ATRNL1: variants seen among roughly 807,000 people sequenced by gnomAD.
ATRNL1 encodes attractin-like protein 1.
In ATRNL1, 95 loss-of-function variants were observed where a neutral mutation model predicts 182.7. The observed-to-expected ratio is 0.52, with a 90% CI of 0.44 to 0.62. ATRNL1 has a LOEUF of 0.62. Among genes scored for constraint, ATRNL1 ranks in the 20% least tolerant of loss-of-function variants. The pLI is 0.00. For synonymous variants in ATRNL1, 576 were observed against 568.3 expected (o/e 1.01, Z -0.19); for missense variants, 1,471 against 1,679.5 (o/e 0.88, Z 2.17).
chr10:115,813,223 TAAAGTA>T (rs1348051440), intron 27 of ATRNL1, among the ~76,000 whole-genome samples: 1 of 152,058 alleles, frequency 6.6e-6, no homozygotes, highest in African/African-American at 2.4e-5. Flanking sequence ...ACCTAAAACT[TAAAGTA>T]TAATAATAAT....
intron 26 of ATRNL1, among the ~76,000 whole-genome samples, chr10:115,620,664 A>G (rs1210320677): frequency 6.6e-6 from 1 of 152,332 alleles, no homozygotes; most frequent in African/African-American, 2.4e-5. Context: ...AAATATTTTA[A>G]CAGTCTTAAG....
chr10:115,328,847 T>C (rs1564920088), intron 18 of ATRNL1, among the ~76,000 whole-genome samples: 1 of 152,142 alleles, frequency 6.6e-6, no homozygotes, highest in Non-Finnish European at 1.5e-5. Context: ...TCACACTTTC[T>C]TTATCCATTC....
chr10:115,521,992 A>G (rs1051606133), intron 25 of ATRNL1, among the ~76,000 whole-genome samples: 1 of 152,162 alleles, frequency 6.6e-6, no homozygotes, highest in Non-Finnish European at 1.5e-5. Flanking sequence ...TCAGCTTTGC[A>G]GTTTAGCCAT....
chr10:115,500,368 A>G (rs1554979790), intron 24 of ATRNL1, among the ~76,000 whole-genome samples: 1 of 152,186 alleles, frequency 6.6e-6, no homozygotes, highest in Non-Finnish European at 1.5e-5. Flanking sequence ...TTTGGTCCAA[A>G]CCTTAGAAAA....
At chr10:115,248,499 T>C (rs78856445) in intron 10 of ATRNL1, among the ~76,000 whole-genome samples, 1 of 152,186 alleles carries the variant, frequency 6.6e-6, no homozygotes, top group Non-Finnish European at 1.5e-5. Flanking sequence ...TGTGATTCGT[T>C]ATCTGGGAAT....
intron 28 of ATRNL1, among the ~76,000 whole-genome samples, chr10:115,933,520 G>A (rs1474996259): frequency 6.6e-6 from 1 of 152,194 alleles, no homozygotes; most frequent in Non-Finnish European, 1.5e-5. Flanking sequence ...GGGGAAGCCA[G>A]CAGGGATGTC....
intron 27 of ATRNL1, among the ~76,000 whole-genome samples, chr10:115,810,045 T>C (rs1158257680): frequency 2.0e-5 from 3 of 151,866 alleles, no homozygotes; most frequent in African/African-American, 7.2e-5. Flanking sequence ...TTTGAGAAAA[T>C]CTTGTGGATT....
rs144600714 is a variant in ATRNL1, at chr10:115,597,370, GTCTA to G, written c.3795+47840_3795+47843del. ...TGAAGTAAATGTAATATACAGTAAT[GTCTA>G]TCTATGTACCTGCTTATCTATGTTG... On this transcript the variant is annotated intron_variant, in intron 26 of 28. Transcript: ENST00000355044. Among the ~76,000 whole-genome samples the G allele has an allele frequency of 9.6e-3, 1,457 of 152,104 alleles. 23 individuals are homozygous for G. The highest frequency in any genetic ancestry group is 0.033 in the African/African-American group (1,373 of 41,498).
In ATRNL1 at chr10:115,638,851, T is replaced by G. The variant is rs147008009; in HGVS notation, c.3796-88397T>G. Among the ~76,000 whole-genome samples the G allele has an allele frequency of 2.6e-5, 4 of 152,292 alleles. No homozygotes were observed. In the East Asian group the frequency reaches 7.7e-4, roughly 29 times the overall value. The stretch of plus-strand genomic sequence containing the variant: ...GAAATTGCGGATAAAACAATAGTAT[T>G]CACTCTGCAGATAAAATAGAGTGAA... On this transcript the variant is annotated intron_variant, in intron 26 of 28. Transcript: ENST00000355044.
At position 115,948,662 on chromosome 10, in the gene ATRNL1, A is replaced by G. The variant is rs1393037806; in HGVS notation, c.*3883A>G. 1 of 152,244 alleles carries G rather than the reference A, an allele frequency of 6.6e-6. No homozygotes were observed. Among genetic ancestry groups the G allele is most frequent in the Admixed American group, 6.5e-5 (1 of 15,290 alleles). 9.4% of individuals were successfully genotyped at this position (152,244 alleles called of 1,614,324 possible). A position where few individuals can be genotyped will look rare whatever the true frequency, so the allele number is the denominator to read the frequency against. On this transcript the variant is annotated 3_prime_UTR_variant, in exon 29 of 29. Coordinates refer to ENST00000355044, the MANE Select transcript of ATRNL1 (RefSeq NM_207303.4). ...GTCAAAGTGCTGCCTTTAATCGACC[A>G]TTAGAGGGAGTTCTCTAAATAACAA...
intron 10 of ATRNL1, among the ~76,000 whole-genome samples, chr10:115,247,169 T>C (rs1850680968): frequency 6.6e-6 from 1 of 151,978 alleles, no homozygotes; most frequent in East Asian, 1.9e-4. Context: ...TGGGATCATA[T>C]AAAATAAAAA....
At chr10:115,323,060 A>C (rs939438901) in intron 18 of ATRNL1, among the ~76,000 whole-genome samples, 3 of 151,986 alleles carry the variant, frequency 2.0e-5, no homozygotes, top group Non-Finnish European at 4.4e-5. Flanking sequence ...ATGTTTTCAA[A>C]TAATTTTTAT....
At chr10:115,893,200 G>A (rs781868696) in intron 28 of ATRNL1, among the ~76,000 whole-genome samples, 2 of 152,312 alleles carry the variant, frequency 1.3e-5, no homozygotes, top group Admixed American at 6.5e-5. Flanking sequence ...GCATGAGGTT[G>A]AGGGAAATGG....
chr10:115,093,845 C>T lies in ATRNL1; in HGVS notation c.95C>T (p.Ala32Val). The stretch of plus-strand genomic sequence containing the variant: ...CCGGCGGGCGGCGGCGGCGGGGGCG[C>T]CTCCTCCTGGCTGCTGGACGGGAAC... ...ARPAGGGGGG[A>V]SSWLLDGNSW... The change falls in exon 1 of 29, where the codon GCC becomes GTC. Residue 32 changes from alanine (A) to valine (V), a missense_variant. Physicochemically the swap from Ala to Val is moderately conservative, Grantham distance 64. Transcript: ENST00000355044. This position sits in a 1 kb window ranked among gnomAD's most constrained non-coding sequence, Gnocchi z 6.1. 1 of 1,537,618 alleles carries T rather than the reference C, an allele frequency of 6.5e-7. No individual in the cohort carries two copies. Among genetic ancestry groups the T allele is most frequent in the East Asian group, 2.6e-5 (1 of 38,472 alleles).
At chr10:115,931,866 G>C (rs1565497227) in intron 28 of ATRNL1, among the ~76,000 whole-genome samples, 3 of 152,142 alleles carry the variant, frequency 2.0e-5, no homozygotes, top group Non-Finnish European at 4.4e-5. Context: ...AAACATGTCG[G>C]CAGGGATTGT....
chr10:115,849,523 G>T (rs1374958036), intron 28 of ATRNL1, among the ~76,000 whole-genome samples: 2 of 152,182 alleles, frequency 1.3e-5, no homozygotes, highest in African/African-American at 4.8e-5. Context: ...TGATATGAAA[G>T]AGACAAGTAG....
At chr10:115,800,465 G>A (rs1460835738) in intron 27 of ATRNL1, among the ~76,000 whole-genome samples, 1 of 152,170 alleles carries the variant, frequency 6.6e-6, no homozygotes, top group African/African-American at 2.4e-5. Flanking sequence ...AGAAAGATAT[G>A]TTTGACAGAA....
At chr10:115,243,271 A>G (rs1850496993) in intron 10 of ATRNL1, among the ~76,000 whole-genome samples, 3 of 152,106 alleles carry the variant, frequency 2.0e-5, no homozygotes, top group South Asian at 4.1e-4. Flanking sequence ...TATTTTTTTC[A>G]TATTGTTGAA....
At chr10:115,209,804 A>G (rs781850990) in intron 8 of ATRNL1, among the ~76,000 whole-genome samples, 1 of 152,010 alleles carries the variant, frequency 6.6e-6, no homozygotes, top group Non-Finnish European at 1.5e-5. Flanking sequence ...ATACATTTCC[A>G]AATGCAAAAC....
Sources: gnomAD v4.1 joint callset for allele counts (sites outside exome capture counted in the v4.1 genomes callset) on GRCh38, gnomAD v4.1.1 for gene constraint, Gnocchi (gnomAD v3.1) non-coding constraint, MANE v1.5 for transcripts, NCBI Gene and HGNC (gene_info 2026-07-23, HGNC 2026-07-21) for gene names.